The following FRMD3 variants were observed in gnomAD, a reference collection of about 807,000 sequenced individuals.
The protein encoded by FRMD3 is FERM domain-containing protein 3.
A neutral mutation model predicts 70.2 loss-of-function variants in FRMD3; 33 were observed. That is an observed-to-expected ratio of 0.47 (90% CI 0.36 to 0.63). The LOEUF is 0.63. Among genes scored for constraint, FRMD3 ranks in the 20% least tolerant of loss-of-function variants. The pLI is 0.00. For missense variants in FRMD3, 632 were observed against 711.4 expected, an observed-to-expected ratio of 0.89 and a Z score of 1.27; for synonymous variants, 279 against 255.9, an observed-to-expected ratio of 1.09 and a Z score of -0.86.
At chr9:83,317,193 T>TACACACACACAC (rs71823603) in intron 6 of FRMD3, among the ~76,000 whole-genome samples, 61 of 145,120 alleles carry the variant, frequency 4.2e-4, no homozygotes, top group African/African-American at 1.3e-3. Context: ...CTCTCATGCA[T>TACACACACACAC]ACACACACAC....
intron 6 of FRMD3, among the ~76,000 whole-genome samples, chr9:83,316,890 A>G (rs1835600227): frequency 6.6e-6 from 1 of 152,128 alleles, no homozygotes; most frequent in Admixed American, 6.5e-5. Context: ...CTCTCCACCA[A>G]CAAATAAACC....
intron 12 of FRMD3, among the ~76,000 whole-genome samples, chr9:83,298,199 G>T (rs1834755291): frequency 6.6e-6 from 1 of 152,224 alleles, no homozygotes. Flanking sequence ...GCAATGATTT[G>T]TGTAAATTGT....
At chr9:83,464,912 C>T (rs1055148845) in intron 1 of FRMD3, among the ~76,000 whole-genome samples, 4 of 143,962 alleles carry the variant, frequency 2.8e-5, no homozygotes, top group Middle Eastern at 7.2e-3. Flanking sequence ...CCCAGCGACT[C>T]GGGAGGCTGA....
downstream of FRMD3, among the ~76,000 whole-genome samples, chr9:83,244,279 T>TTAA (rs1335142420): frequency 1.3e-5 from 2 of 152,206 alleles, no homozygotes; most frequent in Non-Finnish European, 2.9e-5. Context: ...TGATAACATA[T>TTAA]TAATTTCTAG....
intron 1 of FRMD3, among the ~76,000 whole-genome samples, chr9:83,495,590 G>A (rs1246553189): frequency 1.3e-5 from 2 of 152,190 alleles, no homozygotes; most frequent in East Asian, 1.9e-4. Context: ...AATGTCAACA[G>A]TGCATACATT....
intron 1 of FRMD3, among the ~76,000 whole-genome samples, chr9:83,492,569 C>A (rs921917132): frequency 1.3e-5 from 2 of 152,178 alleles, no homozygotes; most frequent in African/African-American, 4.8e-5. Context: ...AGGACTGCAG[C>A]CCCTTTTCTC....
At chr9:83,336,609 C>T (rs1271245253) in intron 5 of FRMD3, among the ~76,000 whole-genome samples, 1 of 146,698 alleles carries the variant, frequency 6.8e-6, no homozygotes, top group Non-Finnish European at 1.5e-5. Flanking sequence ...ACATCTAAAA[C>T]AGAAGAGCAT....
At chr9:83,348,326 A>C (rs1411303397) in intron 4 of FRMD3, among the ~76,000 whole-genome samples, 1 of 152,174 alleles carries the variant, frequency 6.6e-6, no homozygotes, top group Non-Finnish European at 1.5e-5. Context: ...CAAATTTATC[A>C]AATAAATAAT....
rs187847331 is a variant in FRMD3, at chr9:83,411,251, G to T, written c.148-21543C>A. Among the ~76,000 whole-genome samples the T allele has an allele frequency of 1.9e-4, 29 of 152,314 alleles. No homozygotes were observed. The East Asian group carries it at 5.2e-3, about 27-fold the overall frequency. On this transcript the variant is annotated intron_variant, in intron 1 of 13. Transcript: ENST00000304195. ...CTATATAATTTCAGTTAATATATTAGAAGTTCACCTTCTTGGTGCTAGCCT... is the reference window on the plus strand; with the variant it reads ...CTATATAATTTCAGTTAATATATTATAAGTTCACCTTCTTGGTGCTAGCCT...
downstream of FRMD3, chr9:83,244,563 G>A: frequency 1.9e-6 from 1 of 536,172 alleles, no homozygotes; most frequent in Non-Finnish European, 2.4e-6. Flanking sequence ...TCCTTTTATA[G>A]TTTCCAACAA....
intron 1 of FRMD3, among the ~76,000 whole-genome samples, chr9:83,473,334 C>T (rs889264171): frequency 6.6e-6 from 1 of 152,190 alleles, no homozygotes; most frequent in African/African-American, 2.4e-5. Flanking sequence ...TACTTAGGTC[C>T]ACAGAATCAT....
At chr9:83,281,445 C>T (rs1833968363) in intron 13 of FRMD3, 1 of 152,218 alleles carries the variant, frequency 6.6e-6, no homozygotes, top group African/African-American at 2.4e-5. Context: ...CCCTCAAGGA[C>T]ATGACTAGAC....
intron 1 of FRMD3, among the ~76,000 whole-genome samples, chr9:83,430,576 T>C (rs961465396): frequency 1.3e-5 from 2 of 152,176 alleles, no homozygotes; most frequent in African/African-American, 4.8e-5. Context: ...ACAATGACCA[T>C]GATAAAAGAA....
intron 9 of FRMD3, 134 bp downstream of exon 9, chr9:83,310,351 C>T: frequency 1.3e-6 from 1 of 748,560 alleles, no homozygotes; most frequent in Non-Finnish European, 2.3e-6. Flanking sequence ...ATATTTTTAG[C>T]ATATAGCTTT....
chr9:83,372,691 G>C (rs964190710), intron 3 of FRMD3, among the ~76,000 whole-genome samples: 8 of 152,098 alleles, frequency 5.3e-5, no homozygotes, highest in Non-Finnish European at 1.2e-4. Context: ...GCAAGATGGG[G>C]GGGAGGGAGA....
At chr9:83,343,338 A>G in intron 4 of FRMD3, 51 bp from the exon 5 acceptor site, 1 of 1,277,026 alleles carries the variant, frequency 7.8e-7, no homozygotes, top group Non-Finnish European at 1.1e-6. Context: ...TGAAGTCTGG[A>G]AGAAGTAGGA....
At chr9:83,303,109 A>G (rs1415597909) in intron 10 of FRMD3, among the ~76,000 whole-genome samples, 2 of 152,210 alleles carry the variant, frequency 1.3e-5, no homozygotes, top group Non-Finnish European at 2.9e-5. Flanking sequence ...TGGTGCTCCA[A>G]GAGGCCACCT....
At chr9:83,383,676 C>T (rs1417484129) in intron 2 of FRMD3, among the ~76,000 whole-genome samples, 1 of 152,198 alleles carries the variant, frequency 6.6e-6, no homozygotes, top group Non-Finnish European at 1.5e-5. Context: ...CCACCACCAA[C>T]ACAGGAAAAA....
intron 10 of FRMD3, 121 bp downstream of exon 10, chr9:83,309,415 T>C: frequency 1.6e-6 from 1 of 629,958 alleles, no homozygotes; most frequent in African/African-American, 1.8e-5. Flanking sequence ...AAAATTTTAA[T>C]TTACTTAAAT....
Sources: allele counts gnomAD v4.1 joint callset (sites outside exome capture counted in the v4.1 genomes callset), GRCh38; gene constraint gnomAD v4.1.1; transcripts MANE v1.5; gene names NCBI Gene and HGNC (gene_info 2026-07-23, HGNC 2026-07-21).